The following AZIN1 variants were observed in gnomAD, a reference collection of about 807,000 sequenced individuals.
AZIN1 encodes ornithine decarboxylase antizyme inhibitor.
Under a neutral mutation model 47.4 loss-of-function variants are expected in AZIN1, and 12 were observed. The observed-to-expected ratio is 0.25, with a 90% confidence interval of 0.16 to 0.41. The LOEUF (loss-of-function observed/expected upper bound fraction) is 0.41. Ranked by LOEUF, AZIN1 falls within the 10% of genes least tolerant of loss-of-function variation. The pLI is 1.00. For synonymous variants in AZIN1, 155 were observed against 176.3 expected (o/e 0.88, Z 0.96); for missense variants, 410 against 532.4 (o/e 0.77, Z 2.26).
At chr8:102,844,734 AAC>A (rs1812454340) in intron 2 of AZIN1, among the ~76,000 whole-genome samples, 1 of 152,216 alleles carries the variant, frequency 6.6e-6, no homozygotes, top group African/African-American at 2.4e-5. Context: ...ATGCAAAAAT[AAC>A]ACAATTAGAA....
intron 2 of AZIN1, among the ~76,000 whole-genome samples, chr8:102,852,801 G>A (rs1812999693): frequency 1.3e-5 from 2 of 152,106 alleles, no homozygotes; most frequent in South Asian, 4.1e-4. Flanking sequence ...GTTAACTTGT[G>A]ACAAATTGCT....
At chr8:102,847,867 T>C (rs1160748482) in intron 2 of AZIN1, among the ~76,000 whole-genome samples, 1 of 152,176 alleles carries the variant, frequency 6.6e-6, no homozygotes, top group East Asian at 1.9e-4. Flanking sequence ...AGTGTTGCAA[T>C]TACCGGCATG....
At chr8:102,863,041 G>A (rs1813817492) in intron 1 of AZIN1, among the ~76,000 whole-genome samples, 2 of 152,258 alleles carry the variant, frequency 1.3e-5, no homozygotes, top group Admixed American at 6.5e-5. Flanking sequence ...CAGGCTCCAG[G>A]AGGTGACTGG....
intron 2 of AZIN1, among the ~76,000 whole-genome samples, chr8:102,855,117 C>T (rs1441379330): frequency 1.3e-5 from 2 of 152,250 alleles, no homozygotes; most frequent in African/African-American, 2.4e-5. Context: ...TGCAATGGCA[C>T]GATCTCGGCT....
intron 9 of AZIN1, chr8:102,830,245 G>C (rs544422963): frequency 4.9e-6 from 1 of 205,664 alleles, no homozygotes; most frequent in East Asian, 1.5e-4. Flanking sequence ...AATTAGCCAG[G>C]TGTGGTGGTG....
intron 1 of AZIN1, among the ~76,000 whole-genome samples, chr8:102,861,080 G>A (rs1198012018): frequency 1.3e-5 from 2 of 152,188 alleles, no homozygotes; most frequent in Non-Finnish European, 2.9e-5. Context: ...ACGTTTCATA[G>A]TGCCAAAGTC....
rs1380657747 is a variant in AZIN1 at position 102,860,630 on chromosome 8, G to A, written c.-233-2480C>T. Among the ~76,000 whole-genome samples, 6 of 151,982 alleles carry A rather than the reference G, an allele frequency of 3.9e-5. No homozygotes were observed. In the East Asian group the frequency reaches 5.8e-4, roughly 15 times the overall value. ...TTGAATTCCTGAGCTCAAGTGATCCGCCTGCATCAGCCTTCCGAAGTGCTG... is the reference window on the plus strand; with the variant it reads ...TTGAATTCCTGAGCTCAAGTGATCCACCTGCATCAGCCTTCCGAAGTGCTG... On this transcript the variant is annotated intron_variant, in intron 1 of 11. Coordinates refer to ENST00000337198, the MANE Select transcript of AZIN1 (RefSeq NM_148174.4).
chr8:102,861,310 C>T (rs943432176), intron 1 of AZIN1, among the ~76,000 whole-genome samples: 6 of 150,364 alleles, frequency 4.0e-5, no homozygotes, highest in African/African-American at 1.5e-4. Flanking sequence ...TCACTGCAAC[C>T]TCTGCCTCCC....
At chr8:102,844,634 TAA>T (rs34428083) in intron 2 of AZIN1, among the ~76,000 whole-genome samples, 45,358 of 146,234 alleles carry the variant, frequency 0.31, 6,859 homozygotes, top group South Asian at 0.4. Context: ...CAGGTTGTTG[TAA>T]AAAAAAAAAA....
At position 102,829,059 on chromosome 8, in the gene AZIN1, C is replaced by G. The variant is rs1811275761; in HGVS notation, c.1235+213G>C. 2.0e-5 allele frequency among the ~76,000 whole-genome samples: 3 copies of G among 152,248 alleles called. No homozygotes were observed. In the South Asian group the frequency reaches 6.2e-4, roughly 32 times the overall value. ...GGTTTGTAGCCTAGGATCAATATAC[C>G]ACATGGCCTAGATTATGTAGTAGGT... On this transcript the variant is annotated intron_variant, in intron 11 of 11. Transcript: ENST00000337198.
chr8:102,838,705 T>C lies in AZIN1; in HGVS notation c.449+39A>G, dbSNP rs373433614. On this transcript the variant is annotated intron_variant, in intron 5 of 11. Coordinates refer to ENST00000337198, the MANE Select transcript of AZIN1 (RefSeq NM_148174.4). ...CAAAAGACAAACCCAACCCTCTAAGTGCTAAATAATATTTTCAAGTACTTA... is the reference window on the plus strand; with the variant it reads ...CAAAAGACAAACCCAACCCTCTAAGCGCTAAATAATATTTTCAAGTACTTA... 9.0e-6 allele frequency: 14 copies of C among 1,548,250 alleles called. No homozygotes were observed. The African/African-American group carries it at 1.8e-4, about 20-fold the overall frequency.
intron 3 of AZIN1, among the ~76,000 whole-genome samples, chr8:102,840,695 G>A (rs1812123478): frequency 6.6e-6 from 1 of 152,158 alleles, no homozygotes; most frequent in African/African-American, 2.4e-5. Flanking sequence ...ATATTACTCA[G>A]TGTTAGATAG....
intron 2 of AZIN1, among the ~76,000 whole-genome samples, chr8:102,848,852 G>A (rs537244967): frequency 2.6e-5 from 4 of 152,114 alleles, no homozygotes; most frequent in South Asian, 2.1e-4. Flanking sequence ...TTGCCAAAAC[G>A]TTTTCAGGAG....
Position 102,837,865 on chromosome 8 carries a change from A to G in AZIN1, c.449+879T>C, listed in dbSNP as rs1057048739. ...CTGCATAATTCAATATGCTTTTAGC[A>G]TATTCTTAAGCCCTCTCGATATACC... On this transcript the variant is annotated intron_variant, in intron 5 of 11. Transcript: ENST00000337198. Among the ~76,000 whole-genome samples, 9 of 152,258 alleles carry G rather than the reference A, an allele frequency of 5.9e-5. No individual in the cohort carries two copies. In the South Asian group the frequency reaches 1.0e-3, roughly 17 times the overall value.
intron 2 of AZIN1, chr8:102,856,210 T>G (rs1813284966): frequency 6.6e-6 from 1 of 152,046 alleles, no homozygotes; most frequent in East Asian, 1.9e-4. Context: ...GACCTGTAGC[T>G]TTATAGCAAA....
chr8:102,861,518 G>A (rs1211349098), intron 1 of AZIN1, among the ~76,000 whole-genome samples: 1 of 151,580 alleles, frequency 6.6e-6, no homozygotes, highest in African/African-American at 2.4e-5. Flanking sequence ...CACCGCGCCC[G>A]GCCTAATAAA....
rs1334119709 is a variant in AZIN1 at position 102,828,587 on chromosome 8, T to G, written c.1327A>C (p.Ser443Arg). The change falls in exon 12 of 12, where the codon AGC (serine) becomes CGC (arginine). Residue 443 changes from serine to arginine, a missense_variant. By Grantham distance (110) the Ser-to-Arg change is moderately radical (BLOSUM62 -1). Around this residue, in one of 3 missense-constraint regions of AZIN1, gnomAD observed 168 missense variants for 198.3 expected, o/e 0.85. Transcript: ENST00000337198. ...CCTGTTTAAGCTTCAGCGGAAAAGCTGTCTTCTTGGCTCAGCTGAATGCAA... is the reference window on the plus strand; with the variant it reads ...CCTGTTTAAGCTTCAGCGGAAAAGCGGTCTTCTTGGCTCAGCTGAATGCAA... ...PSCIQLSQED[S>R]FSAEA 2 of 1,608,728 alleles carry G rather than the reference T, an allele frequency of 1.2e-6. No individual in the cohort carries two copies. The highest frequency in any genetic ancestry group is 2.2e-5 in the South Asian group (2 of 90,734).
In AZIN1 at chr8:102,828,681, A is replaced by G; in HGVS notation, c.1236-3T>C. On this transcript the variant is annotated splice_region_variant and splice_polypyrimidine_tract_variant and intron_variant, in intron 11 of 11. Transcript: ENST00000337198. ...TTCCAGCATCTTGCATCTCATACCT[A>G]CGTAGAAAAAAAATCAGCTAAATTC... 2 of 1,588,674 alleles carry G rather than the reference A, an allele frequency of 1.3e-6. No individual in the cohort carries two copies. The highest frequency in any genetic ancestry group is 1.7e-6 in the Non-Finnish European group (2 of 1,161,178).
chr8:102,826,732 T>C lies in AZIN1; in HGVS notation c.*1835A>G, dbSNP rs955999883. 1 of 152,558 alleles carries C rather than the reference T, an allele frequency of 6.6e-6. No homozygotes were observed. The highest frequency in any genetic ancestry group is 1.9e-4 in the East Asian group (1 of 5,202). 9.5% of individuals were successfully genotyped at this position (152,558 alleles called of 1,614,324 possible). ...GTATAGTCAAGCCAAGGACTCAAAG[T>C]TGCACCATCTTTAAAAAGGTTTGGC... On this transcript the variant is annotated 3_prime_UTR_variant, in exon 12 of 12. Transcript: ENST00000337198.
Sources: gnomAD v4.1 joint callset for allele counts (sites outside exome capture counted in the v4.1 genomes callset) on GRCh38, gnomAD v4.1.1 for gene constraint, gnomAD v4.1.1 regional missense constraint, MANE v1.5 for transcripts, NCBI Gene and HGNC (gene_info 2026-07-23, HGNC 2026-07-21) for gene names.